ALG5: variants seen among roughly 807,000 people sequenced by gnomAD.
ALG5 encodes the protein dolichyl-phosphate beta-glucosyltransferase.
ALG5 carries 26 observed loss-of-function variants against 51.8 expected under a neutral mutation model. The ratio of observed to expected loss-of-function variants is 0.50; its 90% CI spans 0.37 to 0.70. The LOEUF is 0.70. Among genes scored for constraint, ALG5 ranks in the 30% least tolerant of loss-of-function variants. ALG5 has a pLI of 0.00. For synonymous variants in ALG5, 141 were observed against 136.1 expected (o/e 1.04, Z -0.25); for missense variants, 311 against 399.3 (o/e 0.78, Z 1.88).
Position 36,952,082 on chromosome 13 carries a change from G to A in ALG5, c.859+432C>T, listed in dbSNP as rs918511559. 7.2e-5 allele frequency among the ~76,000 whole-genome samples: 11 copies of A among 152,090 alleles called. No homozygotes were observed. In the East Asian group the frequency reaches 1.7e-3, roughly 24 times the overall value. ...ATTACAGGCATGAGGCATGGTGCTC[G>A]GCCATAAAAAAAATTTTTATTTCTT... is the stretch of plus-strand genomic sequence containing the variant. On this transcript the variant is annotated intron_variant, in intron 9 of 9. Coordinates refer to ENST00000239891, the MANE Select transcript of ALG5 (RefSeq NM_013338.5).
At chr13:36,963,326 C>T (rs1212693565) in intron 8 of ALG5, among the ~76,000 whole-genome samples, 1 of 152,168 alleles carries the variant, frequency 6.6e-6, no homozygotes, top group East Asian at 1.9e-4. Flanking sequence ...TTAAACAATG[C>T]TGCCCTAGAA....
chr13:36,969,405 C>T (rs1324624845), intron 7 of ALG5, among the ~76,000 whole-genome samples: 1 of 107,530 alleles, frequency 9.3e-6, no homozygotes, highest in African/African-American at 3.9e-5. Context: ...CCTTTCTCAT[C>T]TCATTAATAT....
At chr13:36,988,637 T>C (rs1442559031) in intron 5 of ALG5, among the ~76,000 whole-genome samples, 1 of 152,232 alleles carries the variant, frequency 6.6e-6, no homozygotes, top group East Asian at 1.9e-4. Flanking sequence ...AACTATATAA[T>C]AATCAAACTA....
chr13:36,962,071 A>T (rs138220373), intron 8 of ALG5, among the ~76,000 whole-genome samples: 2,916 of 152,346 alleles, frequency 0.019, 92 homozygotes, highest in African/African-American at 0.066. Context: ...TACAGGCGTG[A>T]GCCACTACGC....
At chr13:36,964,514 C>T (rs894808619) in intron 8 of ALG5, among the ~76,000 whole-genome samples, 14 of 152,264 alleles carry the variant, frequency 9.2e-5, no homozygotes, top group South Asian at 4.1e-4. Context: ...TACAACAGTG[C>T]TAGCCACCTG....
At chr13:36,971,149 C>A (rs1332185357) in intron 7 of ALG5, among the ~76,000 whole-genome samples, 1 of 151,944 alleles carries the variant, frequency 6.6e-6, no homozygotes, top group Non-Finnish European at 1.5e-5. Flanking sequence ...GCATAACCTA[C>A]AAAATGAAGA....
chr13:36,963,344 G>C (rs1013598230), intron 8 of ALG5, among the ~76,000 whole-genome samples: 1 of 152,146 alleles, frequency 6.6e-6, no homozygotes, highest in Admixed American at 6.5e-5. Context: ...GAACAATCCT[G>C]ACAGGGAAGC....
rs1566070777 is a variant in ALG5, at chr13:36,999,249, C to T, written c.52G>A (p.Ala18Thr). The T allele has an allele frequency of 1.7e-5, 27 of 1,579,876 alleles. No individual in the cohort carries two copies. Among genetic ancestry groups the T allele is most frequent in the East Asian group, 2.5e-5 (1 of 40,150 alleles). The change falls in exon 1 of 10, where the codon GCA becomes ACA. Residue 18 changes from alanine to threonine, a missense_variant. Transcript: ENST00000239891. ...CCTGTTCTCACCAGTACGAGGGCTGCGGCCGCCAGCGCCGCGCCGAGCACC... is the reference window on the plus strand; with the variant it reads ...CCTGTTCTCACCAGTACGAGGGCTGTGGCCGCCAGCGCCGCGCCGAGCACC... Reference protein sequence around the residue: ...LAVLGAALAAAALVLISIVAF... With the variant: ...LAVLGAALAATALVLISIVAF...
intron 3 of ALG5, among the ~76,000 whole-genome samples, chr13:36,994,422 T>C (rs574616231): frequency 2.5e-4 from 38 of 152,284 alleles, no homozygotes; most frequent in African/African-American, 9.1e-4. Flanking sequence ...ACTTCTCTTC[T>C]CCTTATGTAG....
At chr13:36,973,874 A>G (rs2058937639) in intron 6 of ALG5, among the ~76,000 whole-genome samples, 1 of 152,216 alleles carries the variant, frequency 6.6e-6, no homozygotes, top group Admixed American at 6.5e-5. Context: ...AATAAAACCT[A>G]TAATTTTTTA....
At chr13:36,957,242 A>G (rs1206624742) in intron 8 of ALG5, among the ~76,000 whole-genome samples, 1 of 151,420 alleles carries the variant, frequency 6.6e-6, no homozygotes, top group Non-Finnish European at 1.5e-5. Flanking sequence ...AGAACAAAGA[A>G]CAGGCCATTA....
intron 8 of ALG5, among the ~76,000 whole-genome samples, chr13:36,959,098 G>A (rs934522394): frequency 4.6e-5 from 7 of 152,174 alleles, no homozygotes; most frequent in African/African-American, 1.7e-4. Context: ...AGTGAAATAA[G>A]CATCAGATCC....
Position 36,993,680 on chromosome 13 carries a change from A to C in ALG5, c.286-8T>G. 6.2e-7 allele frequency: 1 copy of C among 1,611,286 alleles called. No homozygotes were observed. The highest frequency in any genetic ancestry group is 8.5e-7 in the Non-Finnish European group (1 of 1,178,466). On this transcript the variant is annotated splice_polypyrimidine_tract_variant and splice_region_variant and intron_variant, in intron 3 of 9. Coordinates refer to ENST00000239891, the MANE Select transcript of ALG5 (RefSeq NM_013338.5). ...GAACGCAGGATCTCGTTTCTGCAAG[A>C]AACAAAAATAAAGTAATACAATTTG...
intron 4 of ALG5, among the ~76,000 whole-genome samples, chr13:36,991,804 G>A (rs2059026645): frequency 6.6e-6 from 1 of 152,114 alleles, no homozygotes. Context: ...CTGCTACCCA[G>A]GCTGGAGTTC....
chr13:36,982,322 G>A (rs575637423), intron 6 of ALG5, among the ~76,000 whole-genome samples: 1 of 152,326 alleles, frequency 6.6e-6, no homozygotes, highest in South Asian at 2.1e-4. Flanking sequence ...GAGACAGAAT[G>A]AGCTGCTTAA....
chr13:36,989,836 A>G (rs2138824609), intron 4 of ALG5, among the ~76,000 whole-genome samples: 1 of 152,272 alleles, frequency 6.6e-6, no homozygotes, highest in South Asian at 2.1e-4. Context: ...TGACTCCTCT[A>G]CCTAAGCTAC....
At chr13:36,978,730 T>C (rs1195081638) in intron 6 of ALG5, among the ~76,000 whole-genome samples, 3 of 150,834 alleles carry the variant, frequency 2.0e-5, no homozygotes, top group African/African-American at 7.3e-5. Flanking sequence ...CTGGCCACCA[T>C]GGTGAGACCC....
chr13:36,972,224 C>T (rs573739309), intron 6 of ALG5, among the ~76,000 whole-genome samples, 188 bp from the exon 7 acceptor site: 1 of 152,026 alleles, frequency 6.6e-6, no homozygotes, highest in African/African-American at 2.4e-5. Context: ...TAAGAGGACA[C>T]TAAATTTTGC....
intron 5 of ALG5, among the ~76,000 whole-genome samples, chr13:36,986,435 T>C (rs1197456609): frequency 6.6e-6 from 1 of 152,214 alleles, no homozygotes; most frequent in Non-Finnish European, 1.5e-5. Flanking sequence ...TCTGATGTAT[T>C]TGAGTGAATT....
Sources: gnomAD v4.1 joint callset for allele counts (sites outside exome capture counted in the v4.1 genomes callset) on GRCh38, gnomAD v4.1.1 for gene constraint, MANE v1.5 for transcripts, NCBI Gene and HGNC (gene_info 2026-07-23, HGNC 2026-07-21) for gene names.